FLT1: variants seen among roughly 807,000 people sequenced by gnomAD.
FLT1 encodes the protein vascular endothelial growth factor receptor 1.
Under a neutral mutation model 156.3 loss-of-function variants are expected in FLT1, and 49 were observed. The observed-to-expected ratio is 0.31, with a 90% CI of 0.25 to 0.40. The LOEUF is 0.40. Among genes scored for constraint, FLT1 ranks in the 10% least tolerant of loss-of-function variants. The pLI, the probability that FLT1 is intolerant of heterozygous loss-of-function variation, is 1.00. For missense variants in FLT1, 1,322 were observed against 1,637.2 expected (o/e 0.81, Z 3.32); for synonymous variants, 594 against 583.8 (o/e 1.02, Z -0.25).
Position 28,427,814 on chromosome 13 carries a change from A to T in FLT1, c.1214T>A (p.Ile405Asn). The change falls in exon 9 of 30, where the codon ATC becomes AAC. Residue 405 changes from isoleucine to asparagine, a missense_variant. Physicochemically the swap from Ile to Asn is moderately radical, Grantham distance 149. Around this residue, in one of 3 missense-constraint regions of FLT1, gnomAD observed 991 missense variants for 1,254.8 expected, o/e 0.79. Coordinates refer to ENST00000282397, the MANE Select transcript of FLT1 (RefSeq NM_002019.4). ...VTEEDAGNYT[I>N]LLSIKQSNVF... ...ATTTGACTGTTTTATGCTCAGCAAGATTGTATAATTCCCTGCATCCTCTTC... is the reference window on the plus strand; with the variant it reads ...ATTTGACTGTTTTATGCTCAGCAAGTTTGTATAATTCCCTGCATCCTCTTC... The T allele has an allele frequency of 6.2e-7, 1 of 1,613,928 alleles. No individual in the cohort carries two copies. Among genetic ancestry groups the T allele is most frequent in the Non-Finnish European group, 8.5e-7 (1 of 1,179,824 alleles).
At chr13:28,450,532 G>A (rs915168605) in intron 3 of FLT1, among the ~76,000 whole-genome samples, 4 of 151,926 alleles carry the variant, frequency 2.6e-5, no homozygotes, top group South Asian at 2.1e-4. Flanking sequence ...AGGGAGGAAA[G>A]GAGGGAGAGA....
At chr13:28,309,023 C>G in intron 27 of FLT1, 96 bp from the exon 28 acceptor site, 1 of 732,260 alleles carries the variant, frequency 1.4e-6, no homozygotes, top group Non-Finnish European at 2.5e-6. Flanking sequence ...CTAAGATGAA[C>G]CAACACACCA....
intron 3 of FLT1, among the ~76,000 whole-genome samples, chr13:28,454,524 T>A (rs78602116): frequency 0.084 from 12,844 of 152,240 alleles, 712 homozygotes; most frequent in Admixed American, 0.18. Flanking sequence ...TTGAAAAAGC[T>A]ACTTAACCTT....
rs1873734861 is a variant in FLT1, at chr13:28,374,012, AG to A, written c.2116+10872del. Among the ~76,000 whole-genome samples the A allele has an allele frequency of 2.0e-5, 3 of 152,264 alleles. No homozygotes were observed. In the South Asian group the frequency reaches 6.2e-4, roughly 32 times the overall value. ...GCAAGAGGTCACAGAGAGAATCAAA[AG>A]AGGAGGTTAATTCATAGTCAAAAAA... On this transcript the variant is annotated intron_variant, in intron 14 of 29. Transcript: ENST00000282397.
rs1440236339 is a variant in FLT1 at position 28,393,909 on chromosome 13, A to G, written c.1660+3051T>C. 3.9e-5 allele frequency among the ~76,000 whole-genome samples: 6 copies of G among 152,186 alleles called. No homozygotes were observed. In the East Asian group the frequency reaches 1.2e-3, roughly 29 times the overall value. On this transcript the variant is annotated intron_variant, in intron 12 of 29. Transcript: ENST00000282397. ...GCCCCAAGTAACTGTATTTTAAAGA[A>G]GGGGCAACAGGATTGAAATGAGGAC... is the stretch of plus-strand genomic sequence containing the variant.
chr13:28,431,598 G>A (rs893505446), intron 6 of FLT1, among the ~76,000 whole-genome samples: 4 of 152,160 alleles, frequency 2.6e-5, no homozygotes, highest in Non-Finnish European at 5.9e-5. Flanking sequence ...TTGGCAGGCT[G>A]ACTGCCCTTT....
chr13:28,454,282 T>C (rs1879139370), intron 3 of FLT1, among the ~76,000 whole-genome samples: 1 of 152,218 alleles, frequency 6.6e-6, no homozygotes, highest in African/African-American at 2.4e-5. Context: ...TTGTCTCATG[T>C]AGTCTCCTAA....
intron 9 of FLT1, 57 bp downstream of exon 9, chr13:28,427,695 A>T (rs959266283): frequency 1.6e-5 from 23 of 1,448,476 alleles, no homozygotes; most frequent in Non-Finnish European, 2.9e-6. Flanking sequence ...GAATTCATAA[A>T]TGTTCACTAA....
At chr13:28,480,305 T>C (rs1230115652) in intron 1 of FLT1, among the ~76,000 whole-genome samples, 1 of 152,208 alleles carries the variant, frequency 6.6e-6, no homozygotes, top group Non-Finnish European at 1.5e-5. Flanking sequence ...CCGATAGAGA[T>C]ACAACAATAA....
At chr13:28,475,903 A>G (rs1593838317) in intron 1 of FLT1, among the ~76,000 whole-genome samples, 1 of 152,212 alleles carries the variant, frequency 6.6e-6, no homozygotes, top group Non-Finnish European at 1.5e-5. Flanking sequence ...CACTTCCAGA[A>G]TGATGGAGAA....
At chr13:28,341,644 G>C (rs1017387737) in intron 16 of FLT1, among the ~76,000 whole-genome samples, 4 of 152,134 alleles carry the variant, frequency 2.6e-5, no homozygotes, top group African/African-American at 9.7e-5. Context: ...AATATAAAAT[G>C]CCATCTTTAT....
chr13:28,306,865 C>T, intron 28 of FLT1, 93 bp from the exon 29 acceptor site: 1 of 813,240 alleles, frequency 1.2e-6, no homozygotes. Flanking sequence ...ATCTGTTGAT[C>T]CAGGCTCTGC....
rs1237060021 is a variant in FLT1 at position 28,312,202 on chromosome 13, A to G, written c.3387-104T>C. On this transcript the variant is annotated intron_variant, in intron 25 of 29. Coordinates refer to ENST00000282397, the MANE Select transcript of FLT1 (RefSeq NM_002019.4). ...GGCTGTCATCATCCGCATAAAGCCC[A>G]AGCTTTCTGTACTATGTGACCCTGC... 1.3e-5 allele frequency: 10 copies of G among 787,240 alleles called. No homozygotes were observed. In the African/African-American group the frequency reaches 1.7e-4, roughly 13 times the overall value. The allele number at this position is 787,240 out of a possible 1,614,324, so 48.8% of individuals were successfully genotyped here. A position where few individuals can be genotyped will look rare whatever the true frequency, so the allele number is the denominator to read the frequency against.
chr13:28,430,893 C>T (rs972462387), intron 7 of FLT1, among the ~76,000 whole-genome samples: 32 of 151,914 alleles, frequency 2.1e-4, no homozygotes, highest in African/African-American at 7.5e-4. Context: ...AGGTTCTAAC[C>T]GAATTATTAG....
chr13:28,381,124 C>T (rs1874063781), intron 14 of FLT1, among the ~76,000 whole-genome samples: 1 of 152,190 alleles, frequency 6.6e-6, no homozygotes. Context: ...ATCATTTTAA[C>T]TCTGATTCTT....
At chr13:28,336,391 A>G (rs570931770) in intron 17 of FLT1, among the ~76,000 whole-genome samples, 50 of 152,266 alleles carry the variant, frequency 3.3e-4, no homozygotes, top group African/African-American at 1.1e-3. Context: ...GTTGCATCAG[A>G]CTTGACCTCA....
intron 3 of FLT1, among the ~76,000 whole-genome samples, chr13:28,457,081 C>A (rs1879309283): frequency 6.6e-6 from 1 of 151,884 alleles, no homozygotes; most frequent in Admixed American, 6.6e-5. Context: ...ATAATGAAGA[C>A]TATGCATGTG....
chr13:28,483,244 TG>T (rs1279500541), intron 1 of FLT1, among the ~76,000 whole-genome samples: 1 of 152,240 alleles, frequency 6.6e-6, no homozygotes, highest in Non-Finnish European at 1.5e-5. Context: ...GAGTTTACAC[TG>T]CCTTTTAAAA....
intron 18 of FLT1, among the ~76,000 whole-genome samples, chr13:28,332,204 G>A (rs1871957571): frequency 6.6e-6 from 1 of 152,174 alleles, no homozygotes; most frequent in Non-Finnish European, 1.5e-5. Context: ...CTCCAGCCTG[G>A]GCGACAGAGT....
Sources: allele counts gnomAD v4.1 joint callset (sites outside exome capture counted in the v4.1 genomes callset), GRCh38; gene constraint gnomAD v4.1.1; regional missense constraint gnomAD v4.1.1; transcripts MANE v1.5; gene names NCBI Gene and HGNC (gene_info 2026-07-23, HGNC 2026-07-21).